Variants in PDE10A observed in about 807,000 individuals in gnomAD.
The protein encoded by PDE10A is cAMP and cAMP-inhibited cGMP 3',5'-cyclic phosphodiesterase 10A.
In PDE10A, 39 loss-of-function variants were observed where a neutral mutation model predicts 97.7. That is an observed-to-expected ratio of 0.40 (90% CI 0.31 to 0.52). The LOEUF (loss-of-function observed/expected upper bound fraction) is 0.52. Ranked by LOEUF, PDE10A falls within the 20% of genes least tolerant of loss-of-function variation. PDE10A has a pLI of 0.56. For missense variants in PDE10A, 731 were observed against 1,047.8 expected (o/e 0.70, Z 4.17); for synonymous variants, 371 against 376.8 (o/e 0.98, Z 0.18).
chr6:165,570,965 T>C (rs1031181900), intron 1 of PDE10A, among the ~76,000 whole-genome samples: 10 of 152,146 alleles, frequency 6.6e-5, no homozygotes, highest in African/African-American at 2.2e-4. Context: ...GAAAACACTG[T>C]GAGGATTGGG....
intron 1 of PDE10A, among the ~76,000 whole-genome samples, chr6:165,635,459 C>A (rs773858983): frequency 4.1e-5 from 6 of 148,092 alleles, no homozygotes; most frequent in Middle Eastern, 3.4e-3. Flanking sequence ...TGGTGCAAGT[C>A]AAGTGGGGTG....
intron 1 of PDE10A, among the ~76,000 whole-genome samples, chr6:165,691,925 G>T (rs9356381): frequency 0.11 from 16,323 of 152,232 alleles, 1,517 homozygotes; most frequent in East Asian, 0.26. Context: ...TTGATGAACT[G>T]TGTTAGACCC....
chr6:165,467,667 G>A lies in PDE10A; in HGVS notation c.1023+14648C>T, dbSNP rs117763423. On this transcript the variant is annotated intron_variant, in intron 3 of 21. Coordinates refer to ENST00000539869, the MANE Select transcript of PDE10A (RefSeq NM_001385079.1). ...TTTCAAAATATTAATCCTTGGCCAG[G>A]TGTGGTGGCTCATGCCTGCAATCCC... 4.8e-3 allele frequency among the ~76,000 whole-genome samples: 727 copies of A among 152,324 alleles called. 36 individuals are homozygous for A. In the East Asian group the frequency reaches 0.11, roughly 23 times the overall value.
intron 1 of PDE10A, among the ~76,000 whole-genome samples, chr6:165,728,751 T>C (rs1792356465): frequency 6.6e-6 from 1 of 152,124 alleles, no homozygotes; most frequent in African/African-American, 2.4e-5. Flanking sequence ...ATTATGACCA[T>C]ACCCAAAGAC....
intron 1 of PDE10A, chr6:165,894,772 T>C (rs1190351109): frequency 1.1e-5 from 3 of 282,388 alleles, no homozygotes; most frequent in African/African-American, 4.3e-5. Flanking sequence ...TATGTGATAA[T>C]ATTATTTATA....
chr6:165,933,216 C>T (rs1783198160), intron 1 of PDE10A, among the ~76,000 whole-genome samples: 1 of 152,120 alleles, frequency 6.6e-6, no homozygotes, highest in South Asian at 2.1e-4. Context: ...GAAACAGTCC[C>T]TATGTTGTCA....
chr6:165,784,871 T>A (rs1291608282), intron 1 of PDE10A, among the ~76,000 whole-genome samples: 1 of 152,090 alleles, frequency 6.6e-6, no homozygotes, highest in Non-Finnish European at 1.5e-5. Context: ...ATCAGAATGG[T>A]AAGGGGGAGT....
chr6:165,855,587 T>C (rs1284804833), intron 1 of PDE10A, among the ~76,000 whole-genome samples: 2 of 139,928 alleles, frequency 1.4e-5, no homozygotes, highest in Non-Finnish European at 3.3e-5. Context: ...ACTTTCCTCA[T>C]GAAAGAGGAA....
intron 1 of PDE10A, among the ~76,000 whole-genome samples, chr6:165,897,641 C>G (rs78491201): frequency 2.0e-5 from 3 of 151,508 alleles, no homozygotes; most frequent in South Asian, 2.1e-4. Flanking sequence ...CCAGCCCCCC[C>G]ACCTCCAGGC....
chr6:165,639,961 T>C lies in PDE10A; in HGVS notation c.865+21986A>G, dbSNP rs561207438. Among the ~76,000 whole-genome samples, 25 of 151,262 alleles carry C rather than the reference T, an allele frequency of 1.7e-4. No homozygotes were observed. The South Asian group carries it at 5.0e-3, about 30-fold the overall frequency. The stretch of plus-strand genomic sequence containing the variant: ...GGTGCACACCTGTGGTCCCGACGAC[T>C]CAGGAGGCTCAGGCAGGATGATCAC... On this transcript the variant is annotated intron_variant, in intron 1 of 21. Transcript: ENST00000539869.
chr6:165,456,862 A>G (rs1361091354), intron 3 of PDE10A, among the ~76,000 whole-genome samples: 1 of 152,228 alleles, frequency 6.6e-6, no homozygotes, highest in Non-Finnish European at 1.5e-5. Context: ...TGTTTTTACT[A>G]TAATTTCTAT....
intron 1 of PDE10A, among the ~76,000 whole-genome samples, chr6:165,651,475 G>C (rs1167852264): frequency 6.6e-6 from 1 of 152,220 alleles, no homozygotes. Flanking sequence ...GAACTACAGG[G>C]AGTTGTTAAC....
At chr6:165,432,902 C>T in intron 7 of PDE10A, 72 bp downstream of exon 7, 1 of 1,041,114 alleles carries the variant, frequency 9.6e-7, no homozygotes, top group South Asian at 1.6e-5. Context: ...TATTACTTAG[C>T]AATACTAACA....
chr6:165,700,563 C>T (rs994229513), intron 1 of PDE10A, among the ~76,000 whole-genome samples: 4 of 151,924 alleles, frequency 2.6e-5, no homozygotes, highest in African/African-American at 4.8e-5. Context: ...TTCTTTTTAC[C>T]GTTTTGCAGG....
intron 1 of PDE10A, among the ~76,000 whole-genome samples, chr6:165,761,383 T>G (rs1793246584): frequency 6.6e-6 from 1 of 152,228 alleles, no homozygotes; most frequent in South Asian, 2.1e-4. Flanking sequence ...AGTGACTAAG[T>G]CCATGCTCAG....
rs59564660 is a variant in PDE10A at position 165,711,076 on chromosome 6, G to A, written c.-614-167508C>T. ...GCTGGGTCATCGCTCATCTGCGCCC[G>A]GGGGTCTGTCCCGCTCCTCAAAGCC... On this transcript the variant is annotated intron_variant, in intron 1 of 19. Transcript: ENST00000366882. This position sits in a 1 kb window ranked among gnomAD's most constrained non-coding sequence, Gnocchi z 4.5. Among the ~76,000 whole-genome samples, 23 of 152,358 alleles carry A rather than the reference G, an allele frequency of 1.5e-4. No individual in the cohort carries two copies. Among genetic ancestry groups the A allele is most frequent in the South Asian group, 4.1e-4 (2 of 4,830 alleles).
chr6:165,943,342 A>AAAG (rs1274052148), intron 1 of PDE10A, among the ~76,000 whole-genome samples: 2,812 of 108,860 alleles, frequency 0.026, 466 homozygotes, highest in African/African-American at 0.061. Flanking sequence ...AGAAAGAAAG[A>AAAG]AAAGAGAAAG....
chr6:165,498,331 G>A (rs1234413002), intron 2 of PDE10A, among the ~76,000 whole-genome samples: 1 of 147,244 alleles, frequency 6.8e-6, no homozygotes, highest in Non-Finnish European at 1.5e-5. Context: ...ACTGTGGCAG[G>A]AGGATCACTT....
intron 1 of PDE10A, chr6:165,910,734 A>T (rs1034404314): frequency 1.3e-5 from 2 of 152,318 alleles, no homozygotes; most frequent in African/African-American, 4.8e-5. Context: ...TGTGAATAAA[A>T]TCTAATGTGT....
Sources: allele counts gnomAD v4.1 joint callset (sites outside exome capture counted in the v4.1 genomes callset), GRCh38; gene constraint gnomAD v4.1.1; non-coding constraint Gnocchi (gnomAD v3.1); transcripts MANE v1.5; gene names NCBI Gene and HGNC (gene_info 2026-07-23, HGNC 2026-07-21).